TANC1: variants seen among roughly 807,000 people sequenced by gnomAD.
TANC1 encodes protein TANC1.
A neutral mutation model predicts 149.7 loss-of-function variants in TANC1; 77 were observed. That is an observed-to-expected ratio of 0.51 (90% CI 0.43 to 0.62). The LOEUF (loss-of-function observed/expected upper bound fraction) is 0.62. Among genes scored for constraint, TANC1 ranks in the 20% least tolerant of loss-of-function variants. TANC1 has a pLI of 0.00. For missense variants in TANC1, 1,985 were observed against 2,321.8 expected (o/e 0.85, Z 2.98); for synonymous variants, 854 against 925.0 (o/e 0.92, Z 1.39).
In TANC1 at chr2:159,118,341, C is replaced by T. The variant is rs1417344403; in HGVS notation, c.260-17853C>T. On this transcript the variant is annotated intron_variant, in intron 4 of 26. Transcript: ENST00000263635. ...CACTTAGGGGTATGGTGGTGTACAC[C>T]ACCACCATGAGAGTGGAGGATCTAT... Among the ~76,000 whole-genome samples, 4 of 152,250 alleles carry T rather than the reference C, an allele frequency of 2.6e-5. No homozygotes were observed. The East Asian group carries it at 7.7e-4, about 29-fold the overall frequency.
chr2:159,078,207 C>G (rs1421959367), intron 3 of TANC1, among the ~76,000 whole-genome samples: 3 of 152,166 alleles, frequency 2.0e-5, no homozygotes, highest in Non-Finnish European at 4.4e-5. Flanking sequence ...AGGGCTCAAG[C>G]CCATGCTTGG....
intron 1 of TANC1, among the ~76,000 whole-genome samples, chr2:158,971,653 A>AT (rs1385743285): frequency 6.6e-6 from 1 of 151,866 alleles, no homozygotes; most frequent in East Asian, 1.9e-4. Flanking sequence ...TGGTTTTCTC[A>AT]TTTTTTTCAT....
chr2:159,114,760 TC>T (rs990646107), intron 4 of TANC1, among the ~76,000 whole-genome samples: 10 of 152,266 alleles, frequency 6.6e-5, no homozygotes, highest in African/African-American at 2.4e-4. Context: ...TATTCTGTGG[TC>T]ATCTCAAGAG....
intron 3 of TANC1, among the ~76,000 whole-genome samples, chr2:159,095,088 G>A (rs531310738): frequency 4.9e-4 from 74 of 152,008 alleles, no homozygotes; most frequent in Non-Finnish European, 9.1e-4. Flanking sequence ...TGGGATTACC[G>A]GTGCCCACCA....
At chr2:159,011,951 C>A (rs1247717277) in intron 2 of TANC1, among the ~76,000 whole-genome samples, 1 of 152,040 alleles carries the variant, frequency 6.6e-6, no homozygotes, top group Admixed American at 6.6e-5. Flanking sequence ...GAGGGAAGGG[C>A]TGGGACCCAT....
rs57208685 is a variant in TANC1, at chr2:159,046,589, C to CTTTTTT, written c.-15-19284_-15-19279dup. 3.4e-4 allele frequency among the ~76,000 whole-genome samples: 29 copies of CTTTTTT among 84,382 alleles called. 2 individuals are homozygous for CTTTTTT. In the East Asian group the frequency reaches 3.7e-3, roughly 11 times the overall value. 55.4% of individuals were successfully genotyped at this position (84,382 alleles called of 152,430 possible). ...ATGCACCATTCTTTTCTTTTCTTTA[C>CTTTTTT]TTTTTTTTTTTTTTTTTTTTTTTTT... is the stretch of plus-strand genomic sequence containing the variant. On this transcript the variant is annotated intron_variant, in intron 2 of 26. Coordinates refer to ENST00000263635, the MANE Select transcript of TANC1 (RefSeq NM_033394.3).
Position 159,215,697 on chromosome 2 carries a change from G to C in TANC1, c.3245-1800G>C, listed in dbSNP as rs538968416. On this transcript the variant is annotated intron_variant, in intron 19 of 26. Coordinates refer to ENST00000263635, the MANE Select transcript of TANC1 (RefSeq NM_033394.3). ...CCTTGCTAATCGGAAGCCCACAGAT[G>C]ACCCTCTCCCGAGATGGCTGTCGTG... Among the ~76,000 whole-genome samples, 14 of 152,338 alleles carry C rather than the reference G, an allele frequency of 9.2e-5. No individual in the cohort carries two copies. The South Asian group carries it at 2.9e-3, about 32-fold the overall frequency.
intron 2 of TANC1, among the ~76,000 whole-genome samples, chr2:159,059,886 CTTTGTGTGTGTG>C (rs1206530694): frequency 2.0e-5 from 1 of 50,934 alleles, no homozygotes; most frequent in Non-Finnish European, 4.4e-5. Context: ...TAGCAGACCT[CTTTGTGTGTGTG>C]TGTGTGTGTG....
intron 16 of TANC1, among the ~76,000 whole-genome samples, chr2:159,192,142 T>C (rs73002972): frequency 0.016 from 2,408 of 152,314 alleles, 50 homozygotes; most frequent in African/African-American, 0.046. Flanking sequence ...GTGGGGGATA[T>C]AGTAATTAGT....
intron 3 of TANC1, among the ~76,000 whole-genome samples, chr2:159,092,985 A>T (rs2045707206): frequency 6.6e-6 from 1 of 152,192 alleles, no homozygotes; most frequent in African/African-American, 2.4e-5. Context: ...GTTACCTTCC[A>T]GGCCCCAGTC....
chr2:159,012,266 C>A (rs543393182), intron 2 of TANC1, among the ~76,000 whole-genome samples: 37 of 152,206 alleles, frequency 2.4e-4, no homozygotes, highest in Non-Finnish European at 3.5e-4. Flanking sequence ...GTTGCTGAGG[C>A]CAGTGCTGCT....
chr2:159,198,155 A>AAG (rs2058000040), intron 18 of TANC1, among the ~76,000 whole-genome samples: 2 of 152,064 alleles, frequency 1.3e-5, no homozygotes, highest in Non-Finnish European at 2.9e-5. Context: ...TGTCCCTCTT[A>AAG]AGAGGATGGT....
Position 159,170,730 on chromosome 2 carries a change from A to T in TANC1, c.1276A>T (p.Lys426Ter), listed in dbSNP as rs2055112167. The T allele has an allele frequency of 6.2e-7, 1 of 1,614,066 alleles. No individual in the cohort carries two copies. Among genetic ancestry groups the T allele is most frequent in the African/African-American group, 1.3e-5 (1 of 74,930 alleles). The change falls in exon 10 of 27, where the codon AAG (lysine) becomes TAG (stop). Residue 426 changes from lysine to a stop codon, truncating the protein, a stop_gained. Coordinates refer to ENST00000263635, the MANE Select transcript of TANC1 (RefSeq NM_033394.3). LOFTEE classifies it high-confidence loss of function. ...VGFGKTAIISKLVALSCHGSR... is the reference protein window; with the variant it reads ...VGFGKTAIIS ...ATTTGGGAAGACGGCAATCATTTCC[A>T]AGTTGGTGGCCCTGAGCTGCCACGG...
intron 2 of TANC1, among the ~76,000 whole-genome samples, chr2:159,063,044 G>T (rs1015552512): frequency 6.7e-6 from 1 of 149,244 alleles, no homozygotes; most frequent in African/African-American, 2.5e-5. Context: ...GTACCGATTT[G>T]TTAATTTATT....
chr2:159,208,846 C>T (rs576172170), intron 19 of TANC1, among the ~76,000 whole-genome samples: 1 of 152,344 alleles, frequency 6.6e-6, no homozygotes, highest in African/African-American at 2.4e-5. Flanking sequence ...TGAAAATCCT[C>T]CAGTGTACTT....
Position 159,110,040 on chromosome 2 carries a change from A to G in TANC1, c.259+12206A>G, listed in dbSNP as rs949021689. Among the ~76,000 whole-genome samples the G allele has an allele frequency of 9.8e-5, 15 of 152,348 alleles. 1 individual carries two copies. The highest frequency in any genetic ancestry group is 7.8e-4 in the Admixed American group (12 of 15,306). On this transcript the variant is annotated intron_variant, in intron 4 of 26. Transcript: ENST00000263635. Reference sequence around the variant, plus strand: ...AAATTCATGGTAGTTTTGCTGTCATACCTCAAACTGCATAAGTTACTGCCA... The same window carrying G: ...AAATTCATGGTAGTTTTGCTGTCATGCCTCAAACTGCATAAGTTACTGCCA...
intron 22 of TANC1, among the ~76,000 whole-genome samples, chr2:159,222,540 ATGT>A (rs2059771008): frequency 6.6e-6 from 1 of 152,204 alleles, no homozygotes; most frequent in Non-Finnish European, 1.5e-5. Context: ...AGGTTCACCC[ATGT>A]TGTAGCGTGT....
chr2:158,991,700 C>T (rs1221689781), intron 1 of TANC1, among the ~76,000 whole-genome samples: 7 of 151,800 alleles, frequency 4.6e-5, no homozygotes, highest in South Asian at 2.1e-4. Context: ...GAGCTGATAT[C>T]GCACCACTGC....
intron 2 of TANC1, among the ~76,000 whole-genome samples, chr2:159,010,432 A>C (rs201520688): frequency 7.9e-4 from 120 of 152,290 alleles, no homozygotes; most frequent in East Asian, 1.9e-3. Context: ...TAAAAGAGTG[A>C]ATCAGGGAAA....
Sources: gnomAD v4.1 joint callset for allele counts (sites outside exome capture counted in the v4.1 genomes callset) on GRCh38, gnomAD v4.1.1 for gene constraint, MANE v1.5 for transcripts, NCBI Gene and HGNC (gene_info 2026-07-23, HGNC 2026-07-21) for gene names.